The following RAB37 variants were observed in gnomAD, a reference collection of about 807,000 sequenced individuals.
RAB37 encodes RAB37, member RAS oncogene family, also known as ras-related protein Rab-37.
A neutral mutation model predicts 33.1 loss-of-function variants in RAB37; 29 were observed. The ratio of observed to expected loss-of-function variants is 0.88; its 90% CI spans 0.65 to 1.20. RAB37 has a LOEUF of 1.20. Ranked by LOEUF, RAB37 falls within the 50% of genes most tolerant of loss-of-function variation. The pLI is 0.00. For missense variants in RAB37, 299 were observed against 301.1 expected (o/e 0.99, Z 0.05); for synonymous variants, 128 against 119.5 (o/e 1.07, Z -0.47).
intron 1 of RAB37, among the ~76,000 whole-genome samples, chr17:74,723,921 G>T (rs1242878760): frequency 3.9e-5 from 6 of 152,100 alleles, no homozygotes. Context: ...GGAAGGCATG[G>T]TGACAAATCT....
Position 74,671,609 on chromosome 17 carries a change from C to A in RAB37, c.23C>A (p.Ser8Tyr). The A allele has an allele frequency of 6.2e-7, 1 of 1,614,218 alleles. No individual in the cohort carries two copies. Among genetic ancestry groups the A allele is most frequent in the Non-Finnish European group, 8.5e-7 (1 of 1,180,030 alleles). ...GGCATGGACCTGCAGAGACCCGATT[C>A]CTACCAGGGAGGAGCTGGCCCTGAC... is the stretch of plus-strand genomic sequence containing the variant. The change falls in exon 1 of 8, where the codon TCC becomes TAC. Residue 8 changes from serine to tyrosine, a missense_variant. Transcript: ENST00000340415. The surrounding 1 kb of genome is among the most constrained non-coding windows in gnomAD (Gnocchi z 5.0).
Position 74,671,745 on chromosome 17 carries a change from A to T in RAB37, c.72+87A>T. 3.4e-6 allele frequency: 4 copies of T among 1,164,698 alleles called. No individual in the cohort carries two copies. The highest frequency in any genetic ancestry group is 5.1e-6 in the Non-Finnish European group (4 of 781,794). The allele number at this position is 1,164,698 out of a possible 1,614,324, so 72.1% of individuals were successfully genotyped here. On this transcript the variant is annotated intron_variant, in intron 1 of 7. Transcript: ENST00000340415. This position sits in a 1 kb window ranked among gnomAD's most constrained non-coding sequence, Gnocchi z 5.0. The stretch of plus-strand genomic sequence containing the variant: ...TCCACTCCCCTGACTTTGCTTTGGG[A>T]CTTAATGAGAAACTAGCTTGTATCT...
In RAB37 at chr17:74,671,452, G is replaced by A; in HGVS notation, c.-135G>A. 1.3e-6 allele frequency: 1 copy of A among 779,962 alleles called. No individual in the cohort carries two copies. 48.3% of individuals were successfully genotyped at this position (779,962 alleles called of 1,614,324 possible). A position where few individuals can be genotyped will look rare whatever the true frequency, so the allele number is the denominator to read the frequency against. On this transcript the variant is annotated 5_prime_UTR_variant, in exon 1 of 8. Transcript: ENST00000340415. The surrounding 1 kb of genome is among the most constrained non-coding windows in gnomAD (Gnocchi z 5.0). ...CGCGGCCGCTGCGGGGAACTGTCCA[G>A]TGCTGAAAACGGATGCGGCCCGGCC... is the stretch of plus-strand genomic sequence containing the variant.
At chr17:74,677,800 GGAA>G (rs2031867824) in intron 1 of RAB37, among the ~76,000 whole-genome samples, 1 of 152,152 alleles carries the variant, frequency 6.6e-6, no homozygotes, top group Non-Finnish European at 1.5e-5. Flanking sequence ...AACCTCAGCA[GGAA>G]ATGATGGTGA....
intron 1 of RAB37, among the ~76,000 whole-genome samples, chr17:74,725,342 A>G (rs2034292756): frequency 6.6e-6 from 1 of 152,148 alleles, no homozygotes; most frequent in East Asian, 1.9e-4. Context: ...CTCCACATCC[A>G]AGCTCTGTCC....
chr17:74,715,332 G>T (rs2034152398), intron 1 of RAB37, among the ~76,000 whole-genome samples: 1 of 152,192 alleles, frequency 6.6e-6, no homozygotes, highest in African/African-American at 2.4e-5. Context: ...CAGCTGATAA[G>T]CCATGGCTTT....
At chr17:74,696,903 T>TTTG (rs2032534827) in intron 1 of RAB37, among the ~76,000 whole-genome samples, 2 of 146,824 alleles carry the variant, frequency 1.4e-5, no homozygotes, top group Admixed American at 6.8e-5. Context: ...GGACCGATTT[T>TTTG]GTTTGGTTTG....
At chr17:74,741,098 A>G (rs750906580) in intron 2 of RAB37, among the ~76,000 whole-genome samples, 2 of 151,928 alleles carry the variant, frequency 1.3e-5, no homozygotes, top group African/African-American at 2.4e-5. Context: ...AAAAAATGAG[A>G]CTGAGTCTTC....
chr17:74,734,310 C>T (rs954699103), upstream of RAB37, among the ~76,000 whole-genome samples: 7 of 152,170 alleles, frequency 4.6e-5, no homozygotes, highest in African/African-American at 1.7e-4. Flanking sequence ...CTTATGACAC[C>T]GGTCATACTG....
At chr17:74,727,833 C>T (rs2034324286) in intron 1 of RAB37, among the ~76,000 whole-genome samples, 1 of 151,808 alleles carries the variant, frequency 6.6e-6, no homozygotes, top group Admixed American at 6.6e-5. Context: ...TATCTGTGTG[C>T]ATGTGTATGT....
intron 1 of RAB37, among the ~76,000 whole-genome samples, chr17:74,720,459 C>T (rs187109952): frequency 2.0e-5 from 3 of 151,856 alleles, no homozygotes; most frequent in Non-Finnish European, 2.9e-5. Flanking sequence ...GGTGTGGTGG[C>T]GGGTGCCTAT....
At position 74,743,357 on chromosome 17, in the gene RAB37, C is replaced by G; in HGVS notation, c.366+17C>G. ...AACATCAGGGTAGGTCCTCCCTTCCCCTGACTCCCACCCATAAGCAGCCAA... is the reference window on the plus strand; with the variant it reads ...AACATCAGGGTAGGTCCTCCCTTCCGCTGACTCCCACCCATAAGCAGCCAA... On this transcript the variant is annotated intron_variant, in intron 5 of 8. Coordinates refer to ENST00000392613, the MANE Select transcript of RAB37 (RefSeq NM_001006638.3). 1 of 1,613,640 alleles carries G rather than the reference C, an allele frequency of 6.2e-7. No homozygotes were observed. Among genetic ancestry groups the G allele is most frequent in the Non-Finnish European group, 8.5e-7 (1 of 1,179,574 alleles).
At position 74,729,988 on chromosome 17, in the gene RAB37, G is replaced by T. The variant is rs1199758086; in HGVS notation, c.183+622G>T. Among the ~76,000 whole-genome samples, 1 of 152,126 alleles carries T rather than the reference G, an allele frequency of 6.6e-6. No homozygotes were observed. Among genetic ancestry groups the T allele is most frequent in the African/African-American group, 2.4e-5 (1 of 41,424 alleles). ...TTTAGTCCTCGGTAAAATGGTAAAA[G>T]GGCAGCTCGGGTTAAGGAAGCCCAG... is the stretch of plus-strand genomic sequence containing the variant. On this transcript the variant is annotated intron_variant, in intron 2 of 7. Transcript: ENST00000340415. The surrounding 1 kb of genome is among the most constrained non-coding windows in gnomAD (Gnocchi z 4.2).
chr17:74,713,413 A>G (rs969875199), intron 1 of RAB37, among the ~76,000 whole-genome samples: 3 of 151,894 alleles, frequency 2.0e-5, no homozygotes, highest in African/African-American at 7.3e-5. Context: ...TCTGAGAAGT[A>G]CCTCTCTGTA....
chr17:74,736,692 G>A, upstream of RAB37: 1 of 1,535,728 alleles, frequency 6.5e-7, no homozygotes, highest in Admixed American at 2.0e-5. Context: ...CCCGCACCAG[G>A]CAGAGGCCCC....
At chr17:74,690,442 C>T (rs550963965) in intron 1 of RAB37, among the ~76,000 whole-genome samples, 10 of 152,108 alleles carry the variant, frequency 6.6e-5, no homozygotes, top group Admixed American at 2.6e-4. Flanking sequence ...TCACTCAGAC[C>T]TGAGGAACCA....
intron 1 of RAB37, among the ~76,000 whole-genome samples, chr17:74,705,865 G>T (rs2033461916): frequency 6.6e-6 from 1 of 152,160 alleles, no homozygotes; most frequent in African/African-American, 2.4e-5. Context: ...AAAGTGTTGG[G>T]ATTACAGGCG....
At position 74,738,765 on chromosome 17, in the gene RAB37, C is replaced by G. The variant is rs2034540918; in HGVS notation, c.93+1400C>G. 6.6e-6 allele frequency among the ~76,000 whole-genome samples: 1 copy of G among 152,106 alleles called. No individual in the cohort carries two copies. Among genetic ancestry groups the G allele is most frequent in the Admixed American group, 6.5e-5 (1 of 15,284 alleles). On this transcript the variant is annotated intron_variant, in intron 1 of 8. Transcript: ENST00000392613. This position sits in a 1 kb window ranked among gnomAD's most constrained non-coding sequence, Gnocchi z 5.0. ...GTCCCCAGCCTCCCCGGGCCTGCCC[C>G]AGGGGAGTGAGTCCAGGACCCTCTG...
In RAB37 at chr17:74,744,026, T is replaced by G. The variant is rs569916085; in HGVS notation, c.367-282T>G. ...TTAACAGGACACTCCAAGAAATCACTGCTGACAGCCAACTGATTTGTGAGA... is the reference window on the plus strand; with the variant it reads ...TTAACAGGACACTCCAAGAAATCACGGCTGACAGCCAACTGATTTGTGAGA... On this transcript the variant is annotated intron_variant, in intron 5 of 8. Transcript: ENST00000392613. The surrounding 1 kb of genome is among the most constrained non-coding windows in gnomAD (Gnocchi z 4.2). 6.6e-6 allele frequency among the ~76,000 whole-genome samples: 1 copy of G among 152,278 alleles called. No individual in the cohort carries two copies. Among genetic ancestry groups the G allele is most frequent in the South Asian group, 2.1e-4 (1 of 4,828 alleles).
Sources: allele counts gnomAD v4.1 joint callset (sites outside exome capture counted in the v4.1 genomes callset), GRCh38; gene constraint gnomAD v4.1.1; non-coding constraint Gnocchi (gnomAD v3.1); transcripts MANE v1.5; gene names NCBI Gene and HGNC (gene_info 2026-07-23, HGNC 2026-07-21).